The following ZBTB20 variants were observed in gnomAD, a reference collection of about 807,000 sequenced individuals.
ZBTB20 encodes the protein zinc finger and BTB domain-containing protein 20.
A neutral mutation model predicts 56.9 loss-of-function variants in ZBTB20; 9 were observed. The ratio of observed to expected loss-of-function variants is 0.16; its 90% CI spans 0.10 to 0.28. The LOEUF (loss-of-function observed/expected upper bound fraction) is 0.28. Among genes scored for constraint, ZBTB20 ranks in the 10% least tolerant of loss-of-function variants. The pLI is 1.00. For synonymous variants in ZBTB20, 417 were observed against 420.7 expected (o/e 0.99, Z 0.11); for missense variants, 655 against 1,003.0 (o/e 0.65, Z 4.69).
intron 4 of ZBTB20, among the ~76,000 whole-genome samples, chr3:114,829,994 C>A (rs1211112277): frequency 6.6e-6 from 1 of 151,886 alleles, no homozygotes; most frequent in African/African-American, 2.4e-5. Flanking sequence ...ATCCTCGATA[C>A]AGTCTAGGTC....
intron 2 of ZBTB20, among the ~76,000 whole-genome samples, chr3:115,025,759 T>A (rs1218398525): frequency 6.6e-6 from 1 of 150,540 alleles, no homozygotes; most frequent in African/African-American, 2.4e-5. Context: ...CATATGTGAA[T>A]CATTTGCATA....
At chr3:114,399,686 G>A (rs1478151645) in intron 7 of ZBTB20, among the ~76,000 whole-genome samples, 6 of 152,102 alleles carry the variant, frequency 3.9e-5, no homozygotes, top group Non-Finnish European at 7.4e-5. Context: ...ACAGGCCACC[G>A]GGGCAAGACT....
At chr3:114,425,522 TTTGGCTTCTATAATTTATAATC>T (rs2089569822) in intron 7 of ZBTB20, among the ~76,000 whole-genome samples, 1 of 152,230 alleles carries the variant, frequency 6.6e-6, no homozygotes, top group Non-Finnish European at 1.5e-5. Context: ...TTTCTATGTC[TTTGGCTTCTATAATTTATAATC>T]TTGGCTCAAT....
chr3:114,514,181 CA>C (rs551679985), intron 6 of ZBTB20, among the ~76,000 whole-genome samples: 61 of 152,094 alleles, frequency 4.0e-4, no homozygotes, highest in African/African-American at 1.2e-3. Context: ...TAAAATTTAA[CA>C]AAGGATTTAT....
At chr3:114,592,041 ACTGAAT>A (rs1234855147) in intron 6 of ZBTB20, among the ~76,000 whole-genome samples, 1 of 152,122 alleles carries the variant, frequency 6.6e-6, no homozygotes, top group East Asian at 1.9e-4. Context: ...TTTAGAATAC[ACTGAAT>A]TTGCCAATAT....
intron 4 of ZBTB20, among the ~76,000 whole-genome samples, chr3:114,834,113 G>A (rs774950963): frequency 1.6e-4 from 24 of 152,028 alleles, no homozygotes; most frequent in Non-Finnish European, 2.2e-4. Flanking sequence ...AATAGCTACT[G>A]AAAAGACCAA....
chr3:114,359,804 T>C (rs906662314), intron 10 of ZBTB20, among the ~76,000 whole-genome samples: 15 of 152,200 alleles, frequency 9.9e-5, no homozygotes. Context: ...ATAAGTTAGG[T>C]CTTTTGTTTT....
chr3:114,790,965 T>G lies in ZBTB20; in HGVS notation c.-343+10136A>C, dbSNP rs182690173. Among the ~76,000 whole-genome samples, 429 of 152,174 alleles carry G rather than the reference T, an allele frequency of 2.8e-3. 3 individuals are homozygous for G. Among genetic ancestry groups the G allele is most frequent in the Middle Eastern group, 3.4e-3 (1 of 294 alleles). ...GACTCAAAAACAAATTTCCAACCAC[T>G]AAGAACTCAGATAAAGGACCTTACT... On this transcript the variant is annotated intron_variant, in intron 5 of 11. Coordinates refer to ENST00000675478, the MANE Select transcript of ZBTB20 (RefSeq NM_001348800.3).
chr3:115,019,093 T>C (rs567379437), intron 2 of ZBTB20, among the ~76,000 whole-genome samples: 2 of 151,450 alleles, frequency 1.3e-5, no homozygotes, highest in South Asian at 4.1e-4. Context: ...TGCTCAGTTA[T>C]ACTTTACCTA....
At chr3:114,443,348 T>C (rs1016569833) in intron 7 of ZBTB20, among the ~76,000 whole-genome samples, 2 of 152,142 alleles carry the variant, frequency 1.3e-5, no homozygotes, top group Non-Finnish European at 1.5e-5. Flanking sequence ...ACCAGAAATA[T>C]AAGCTGACAC....
At chr3:114,901,815 G>A (rs1276000565) in intron 3 of ZBTB20, among the ~76,000 whole-genome samples, 2 of 152,102 alleles carry the variant, frequency 1.3e-5, no homozygotes, top group East Asian at 3.9e-4. Flanking sequence ...ATGAAATTAT[G>A]TGAATAAGAA....
intron 6 of ZBTB20, among the ~76,000 whole-genome samples, chr3:114,639,552 T>G (rs982371951): frequency 1.3e-5 from 2 of 151,954 alleles, no homozygotes; most frequent in Non-Finnish European, 2.9e-5. Flanking sequence ...CTTTCTACCT[T>G]AAATAAAAGT....
At chr3:114,549,383 C>A (rs2050279494) in intron 6 of ZBTB20, among the ~76,000 whole-genome samples, 1 of 152,004 alleles carries the variant, frequency 6.6e-6, no homozygotes, top group South Asian at 2.1e-4. Context: ...TTTCTATGTT[C>A]TTTATTAAGA....
chr3:114,495,833 AG>A (rs2043227036), intron 7 of ZBTB20, among the ~76,000 whole-genome samples: 1 of 152,264 alleles, frequency 6.6e-6, no homozygotes, highest in African/African-American at 2.4e-5. Context: ...AATGCATAAA[AG>A]TACAGGTGGG....
chr3:114,548,632 C>T (rs1226789660), intron 6 of ZBTB20, among the ~76,000 whole-genome samples: 2 of 151,944 alleles, frequency 1.3e-5, no homozygotes, highest in Admixed American at 1.3e-4. Flanking sequence ...GATTCTTCTG[C>T]CTCAGCCTCC....
intron 1 of ZBTB20, among the ~76,000 whole-genome samples, chr3:115,126,223 TG>T (rs1335228964): frequency 6.6e-6 from 1 of 152,156 alleles, no homozygotes; most frequent in Non-Finnish European, 1.5e-5. Flanking sequence ...AAAGAGAATA[TG>T]GGTCAACAGG....
At chr3:114,872,081 A>G (rs890941197) in intron 4 of ZBTB20, among the ~76,000 whole-genome samples, 2 of 152,158 alleles carry the variant, frequency 1.3e-5, no homozygotes. Flanking sequence ...TATTTGCTCC[A>G]TAAAGCCTTC....
intron 2 of ZBTB20, among the ~76,000 whole-genome samples, chr3:115,001,229 CAGG>C (rs2079236530): frequency 6.6e-6 from 1 of 150,914 alleles, no homozygotes; most frequent in Admixed American, 6.6e-5. Context: ...ACTTTAAAAA[CAGG>C]AAAAAATAAG....
intron 2 of ZBTB20, among the ~76,000 whole-genome samples, chr3:115,014,784 T>C (rs992264718): frequency 2.0e-5 from 3 of 151,776 alleles, no homozygotes; most frequent in African/African-American, 7.2e-5. Context: ...TTTTGTTTTT[T>C]GTTTCCTTAT....
Sources: allele counts gnomAD v4.1 joint callset (sites outside exome capture counted in the v4.1 genomes callset), GRCh38; gene constraint gnomAD v4.1.1; transcripts MANE v1.5; gene names NCBI Gene and HGNC (gene_info 2026-07-23, HGNC 2026-07-21).